Variants in DSCAM observed in about 807,000 individuals in gnomAD.
The protein encoded by DSCAM is cell adhesion molecule DSCAM.
A neutral mutation model predicts 217.7 loss-of-function variants in DSCAM; 47 were observed. The ratio of observed to expected loss-of-function variants is 0.22; its 90% CI spans 0.17 to 0.28. The LOEUF (loss-of-function observed/expected upper bound fraction) is 0.28, where lower values mean the gene tolerates loss of function less well. DSCAM is among the 10% of genes least tolerant of loss of function. The pLI, the probability that DSCAM is intolerant of heterozygous loss-of-function variation, is 1.00. For missense variants in DSCAM, 2,080 were observed against 2,618.3 expected (o/e 0.79, Z 4.49); for synonymous variants, 1,056 against 1,015.3 (o/e 1.04, Z -0.76).
chr21:40,710,622 G>A (rs2090769890), intron 1 of DSCAM, among the ~76,000 whole-genome samples: 1 of 152,072 alleles, frequency 6.6e-6, no homozygotes, highest in Non-Finnish European at 1.5e-5. Context: ...ATCATCAAAT[G>A]TGTTCATACA....
chr21:40,370,202 G>A (rs765605244), intron 3 of DSCAM, among the ~76,000 whole-genome samples: 5 of 151,454 alleles, frequency 3.3e-5, no homozygotes, highest in Admixed American at 6.6e-5. Context: ...AATGATCATC[G>A]TAAGTGGATT....
rs573451162 is a variant in DSCAM at position 40,339,553 on chromosome 21, CA to C, written c.1211-139del. 262 of 844,916 alleles carry C rather than the reference CA, an allele frequency of 3.1e-4. No homozygotes were observed. In the African/African-American group the frequency reaches 4.1e-3, roughly 13 times the overall value. The allele number at this position is 844,916 out of a possible 1,614,324, so 52.3% of individuals were successfully genotyped here. A position where few individuals can be genotyped will look rare whatever the true frequency, so the allele number is the denominator to read the frequency against. ...AAAAGGTCTGGTTTTCCTGATAAAG[CA>C]AAACGTTAATCAGAACAAGAGTTCA... On this transcript the variant is annotated intron_variant, in intron 6 of 32. Transcript: ENST00000400454.
At chr21:40,249,043 C>A (rs1203214187) in intron 11 of DSCAM, among the ~76,000 whole-genome samples, 1 of 152,186 alleles carries the variant, frequency 6.6e-6, no homozygotes, top group African/African-American at 2.4e-5. Flanking sequence ...CAATTATCTC[C>A]CACTGGGTCC....
At chr21:40,148,193 C>CTT (rs141767088) in intron 16 of DSCAM, among the ~76,000 whole-genome samples, 1 of 151,240 alleles carries the variant, frequency 6.6e-6, no homozygotes, top group Admixed American at 6.6e-5. Context: ...GTTTTTACAT[C>CTT]TTTTTTTTTC....
At chr21:40,536,595 A>T (rs1258807050) in intron 3 of DSCAM, among the ~76,000 whole-genome samples, 6 of 151,878 alleles carry the variant, frequency 4.0e-5, no homozygotes, top group East Asian at 1.9e-4. Context: ...TTTAGTAGAG[A>T]CAGGGTTTCA....
intron 5 of DSCAM, 148 bp downstream of exon 5, chr21:40,353,317 A>T: frequency 9.4e-7 from 1 of 1,065,744 alleles, no homozygotes; most frequent in Non-Finnish European, 1.3e-6. Context: ...ATTAATTTTC[A>T]CATCTGTAAA....
chr21:40,382,540 A>G (rs2075037074), intron 3 of DSCAM, among the ~76,000 whole-genome samples: 1 of 152,222 alleles, frequency 6.6e-6, no homozygotes, highest in Non-Finnish European at 1.5e-5. Context: ...TTGTTTCCCA[A>G]TGACACGTGA....
At chr21:40,472,701 G>GT (rs906083606) in intron 3 of DSCAM, among the ~76,000 whole-genome samples, 7 of 152,076 alleles carry the variant, frequency 4.6e-5, no homozygotes, top group Admixed American at 6.6e-5. Flanking sequence ...TGGAGGAGTG[G>GT]TTTTTTTAAA....
At chr21:40,369,064 C>A (rs368773669) in intron 4 of DSCAM, 35 bp downstream of exon 4, 2 of 1,556,944 alleles carry the variant, frequency 1.3e-6, no homozygotes, top group African/African-American at 2.7e-5. Context: ...AAAGAAATAG[C>A]AGACATAGCA....
At chr21:40,550,289 C>T (rs560768273) in intron 3 of DSCAM, among the ~76,000 whole-genome samples, 2 of 152,140 alleles carry the variant, frequency 1.3e-5, no homozygotes, top group Admixed American at 6.5e-5. Context: ...CTTTGGGAGG[C>T]GGAGGTGGGC....
intron 3 of DSCAM, among the ~76,000 whole-genome samples, chr21:40,601,129 G>A (rs183695145): frequency 5.7e-4 from 87 of 152,270 alleles, no homozygotes; most frequent in African/African-American, 2.0e-3. Flanking sequence ...AACTGACATC[G>A]TAACAAAATT....
intron 3 of DSCAM, among the ~76,000 whole-genome samples, chr21:40,376,490 GATATCT>G (rs1569092768): frequency 9.7e-6 from 1 of 103,086 alleles, no homozygotes; most frequent in African/African-American, 3.9e-5. Flanking sequence ...ATCTTATATA[GATATCT>G]ATATATCTTA....
chr21:40,740,555 A>C (rs2091114122), intron 1 of DSCAM, among the ~76,000 whole-genome samples: 1 of 152,192 alleles, frequency 6.6e-6, no homozygotes, highest in Admixed American at 6.5e-5. Context: ...TAATCATATA[A>C]TTTTCAGCAT....
intron 8 of DSCAM, among the ~76,000 whole-genome samples, chr21:40,327,537 T>C (rs1389882800): frequency 6.6e-6 from 1 of 152,180 alleles, no homozygotes; most frequent in African/African-American, 2.4e-5. Context: ...ATGCCTTGTA[T>C]TTCTTTCTCT....
At chr21:40,305,036 C>T (rs1009023777) in intron 9 of DSCAM, among the ~76,000 whole-genome samples, 9 of 152,012 alleles carry the variant, frequency 5.9e-5, no homozygotes, top group African/African-American at 1.2e-4. Context: ...TAGACTTGCT[C>T]GATGCAGGAT....
At chr21:40,124,416 T>C in intron 19 of DSCAM, 88 bp from the exon 20 acceptor site, 1 of 1,540,062 alleles carries the variant, frequency 6.5e-7, no homozygotes, top group South Asian at 1.2e-5. Flanking sequence ...ACTCCGCACT[T>C]ACTGTTCAGC....
intron 15 of DSCAM, among the ~76,000 whole-genome samples, chr21:40,171,326 C>T (rs1188265263): frequency 1.3e-5 from 2 of 152,152 alleles, no homozygotes; most frequent in Non-Finnish European, 2.9e-5. Flanking sequence ...GATCCGCCCG[C>T]CTCAGCCTCC....
chr21:40,334,130 A>G (rs1351571152), intron 8 of DSCAM, among the ~76,000 whole-genome samples: 1 of 152,000 alleles, frequency 6.6e-6, no homozygotes, highest in Non-Finnish European at 1.5e-5. Flanking sequence ...TCTGCGGTGT[A>G]GTGCACAAAG....
chr21:40,789,587 G>A (rs2091621785), intron 1 of DSCAM, among the ~76,000 whole-genome samples: 2 of 131,558 alleles, frequency 1.5e-5, no homozygotes, highest in Admixed American at 8.4e-5. Context: ...ATGGAGTCTT[G>A]CACTGTTGCC....
Sources: gnomAD v4.1 joint callset for allele counts (sites outside exome capture counted in the v4.1 genomes callset) on GRCh38, gnomAD v4.1.1 for gene constraint, MANE v1.5 for transcripts, NCBI Gene and HGNC (gene_info 2026-07-23, HGNC 2026-07-21) for gene names.